Variants in TPD52L2 observed in about 807,000 individuals in gnomAD.
TPD52L2 encodes tumor protein D54.
Under a neutral mutation model 24.7 loss-of-function variants are expected in TPD52L2, and 19 were observed. The ratio of observed to expected loss-of-function variants is 0.77; its 90% confidence interval spans 0.54 to 1.13. The LOEUF is 1.13. Ranked by LOEUF, TPD52L2 falls within the 50% of genes most tolerant of loss-of-function variation. The pLI, the probability that TPD52L2 is intolerant of heterozygous loss-of-function variation, is 0.00. For missense variants in TPD52L2, 236 were observed against 250.4 expected, an observed-to-expected ratio of 0.94 and a Z score of 0.39; for synonymous variants, 104 against 100.2, an observed-to-expected ratio of 1.04 and a Z score of -0.23.
At chr20:63,875,081 G>C (rs2052616437) in intron 3 of TPD52L2, among the ~76,000 whole-genome samples, 1 of 151,404 alleles carries the variant, frequency 6.6e-6, no homozygotes, top group South Asian at 2.1e-4. Context: ...GGCGGAGGTT[G>C]CAGTGAGCCA....
At position 63,886,487 on chromosome 20, in the gene TPD52L2, G is replaced by A. The variant is rs369637576; in HGVS notation, c.477-2703G>A. ...GCCATTCTCCTGCCTCAGCCTCTCC[G>A]AGTAGCTGGGACTACAGGCGCCCGC... On this transcript the variant is annotated intron_variant, in intron 5 of 6. Coordinates refer to ENST00000346249, the MANE Select transcript of TPD52L2 (RefSeq NM_003288.4). 5.9e-5 allele frequency among the ~76,000 whole-genome samples: 9 copies of A among 151,396 alleles called. No individual in the cohort carries two copies. In the South Asian group the frequency reaches 6.3e-4, roughly 11 times the overall value.
At chr20:63,871,865 C>T (rs2052478961) in intron 2 of TPD52L2, among the ~76,000 whole-genome samples, 1 of 151,898 alleles carries the variant, frequency 6.6e-6, no homozygotes, top group African/African-American at 2.4e-5. Context: ...GACTCCTGAC[C>T]TCAGGTGATC....
At chr20:63,889,318 T>C (rs6062569) in intron 6 of TPD52L2, 80 bp downstream of exon 6, 568,823 of 1,236,604 alleles carry the variant, frequency 0.46, 139,112 homozygotes, top group East Asian at 0.85. Flanking sequence ...GTCATTTAGT[T>C]ATGGTAGACT....
Position 63,877,438 on chromosome 20 carries a change from C to T in TPD52L2, c.374+1563C>T, listed in dbSNP as rs1241967050. 2.0e-5 allele frequency among the ~76,000 whole-genome samples: 3 copies of T among 152,188 alleles called. No homozygotes were observed. The highest frequency in any genetic ancestry group is 7.2e-5 in the African/African-American group (3 of 41,446). ...CCTCCCAAAGTGCTGGGATGACAGG[C>T]GTGACCCACTGCACCCGGCTTGAGC... On this transcript the variant is annotated intron_variant, in intron 4 of 6. Transcript: ENST00000346249. This position sits in a 1 kb window ranked among gnomAD's most constrained non-coding sequence, Gnocchi z 4.1.
Position 63,890,171 on chromosome 20 carries a change from C to A in TPD52L2, c.*226C>A. The stretch of plus-strand genomic sequence containing the variant: ...TCACGTTTGTAGATGAAACAGATCA[C>A]TGTGCTGTCCTTCCTAGGGGTGCAG... On this transcript the variant is annotated 3_prime_UTR_variant, in exon 7 of 7. Transcript: ENST00000346249. 9.8e-7 allele frequency: 1 copy of A among 1,017,174 alleles called. No individual in the cohort carries two copies. Among genetic ancestry groups the A allele is most frequent in the Non-Finnish European group, 1.4e-6 (1 of 714,520 alleles). The allele number at this position is 1,017,174 out of a possible 1,614,324, so 63.0% of individuals were successfully genotyped here. A position where few individuals can be genotyped will look rare whatever the true frequency, so the allele number is the denominator to read the frequency against.
intron 6 of TPD52L2, among the ~76,000 whole-genome samples, chr20:63,889,470 ACAC>A: frequency 6.6e-6 from 1 of 151,410 alleles, no homozygotes. Context: ...GAACGCCTCC[ACAC>A]TGCCCTTCCT....
At position 63,890,655 on chromosome 20, in the gene TPD52L2, T is replaced by G. The variant is rs1013722160; in HGVS notation, c.*710T>G. 4 of 152,822 alleles carry G rather than the reference T, an allele frequency of 2.6e-5. No individual in the cohort carries two copies. The highest frequency in any genetic ancestry group is 9.6e-5 in the African/African-American group (4 of 41,466). 9.5% of individuals were successfully genotyped at this position (152,822 alleles called of 1,614,324 possible). Reference sequence around the variant, plus strand: ...GCCTTATGCTTTATTTCTTTCTAATTTTTATATGTATATAGATGAGGGTTC... The same window carrying G: ...GCCTTATGCTTTATTTCTTTCTAATGTTTATATGTATATAGATGAGGGTTC... On this transcript the variant is annotated 3_prime_UTR_variant, in exon 7 of 7. Coordinates refer to ENST00000346249, the MANE Select transcript of TPD52L2 (RefSeq NM_003288.4).
intron 5 of TPD52L2, chr20:63,887,786 C>A: frequency 1.6e-6 from 1 of 643,026 alleles, no homozygotes; most frequent in Admixed American, 2.7e-5. Flanking sequence ...CGAGGAAGAG[C>A]TGGTAGGGGG....
chr20:63,886,563 G>GTGTTGGCCAGGA (rs1230344059), intron 5 of TPD52L2, among the ~76,000 whole-genome samples: 7 of 151,680 alleles, frequency 4.6e-5, no homozygotes. Context: ...GGGTTTCACC[G>GTGTTGGCCAGGA]TGGTCTCGAT....
chr20:63,884,584 C>T (rs1189312986), intron 5 of TPD52L2, among the ~76,000 whole-genome samples: 1 of 152,240 alleles, frequency 6.6e-6, no homozygotes, highest in Non-Finnish European at 1.5e-5. Flanking sequence ...GGACACGGTC[C>T]TGGTTCTCTG....
At chr20:63,874,265 A>G (rs1302985836) in intron 3 of TPD52L2, among the ~76,000 whole-genome samples, 1 of 146,420 alleles carries the variant, frequency 6.8e-6, no homozygotes, top group Non-Finnish European at 1.5e-5. Context: ...TGTTTTTAGT[A>G]GAGATGGGGT....
chr20:63,886,080 C>T, intron 5 of TPD52L2: 8 of 1,610,740 alleles, frequency 5.0e-6, no homozygotes, highest in Non-Finnish European at 6.8e-6. Flanking sequence ...GAAGACTTTT[C>T]TCTGAATTGG....
intron 5 of TPD52L2, among the ~76,000 whole-genome samples, chr20:63,885,211 C>G (rs537858219): frequency 2.6e-5 from 4 of 152,230 alleles, no homozygotes; most frequent in Non-Finnish European, 4.4e-5. Context: ...AGGGCAGCCC[C>G]GGTCTGTGAG....
At chr20:63,888,974 C>T (rs2146253469) in intron 5 of TPD52L2, 1 of 606,594 alleles carries the variant, frequency 1.6e-6, no homozygotes. Flanking sequence ...TGTGTGACGT[C>T]TGGACCTGTC....
Position 63,872,364 on chromosome 20 carries a change from A to C in TPD52L2, c.166-1304A>C, listed in dbSNP as rs558271852. Among the ~76,000 whole-genome samples, 9 of 152,148 alleles carry C rather than the reference A, an allele frequency of 5.9e-5. No homozygotes were observed. In the East Asian group the frequency reaches 1.7e-3, roughly 29 times the overall value. On this transcript the variant is annotated intron_variant, in intron 2 of 6. Coordinates refer to ENST00000346249, the MANE Select transcript of TPD52L2 (RefSeq NM_003288.4). ...AGACTGAGAGCCCTGAGGGAAAAGG[A>C]TCCTCACTGTTTTTTGTTTGTTTGT...
intron 5 of TPD52L2, among the ~76,000 whole-genome samples, chr20:63,886,444 T>C (rs2053110100): frequency 6.6e-6 from 1 of 150,596 alleles, no homozygotes; most frequent in African/African-American, 2.5e-5. Flanking sequence ...CACTGCAAGC[T>C]CCGCCTCCCG....
rs982550719 is a variant in TPD52L2, at chr20:63,881,566, G to A, written c.375-1153G>A. The stretch of plus-strand genomic sequence containing the variant: ...GGGAGGGCCTGTGAGTAAGGGCTCC[G>A]GAAGGCCCATCATTGGGACCTGGTG... On this transcript the variant is annotated intron_variant, in intron 4 of 6. Transcript: ENST00000346249. 3.7e-4 allele frequency among the ~76,000 whole-genome samples: 56 copies of A among 152,252 alleles called. 1 individual carries two copies. Among genetic ancestry groups the A allele is most frequent in the Non-Finnish European group, 1.3e-4 (9 of 68,020 alleles).
rs2052733706 is a variant in TPD52L2, at chr20:63,877,534, G to A, written c.374+1659G>A. Reference sequence around the variant, plus strand: ...CAGTGACTTTGCTGGGCAGCAGATGGTTCCTAGGTTGGGACAGTGACGGTC... The same window carrying A: ...CAGTGACTTTGCTGGGCAGCAGATGATTCCTAGGTTGGGACAGTGACGGTC... On this transcript the variant is annotated intron_variant, in intron 4 of 6. Transcript: ENST00000346249. This position sits in a 1 kb window ranked among gnomAD's most constrained non-coding sequence, Gnocchi z 4.1. Among the ~76,000 whole-genome samples the A allele has an allele frequency of 6.6e-6, 1 of 152,208 alleles. No homozygotes were observed. The highest frequency in any genetic ancestry group is 2.1e-4 in the South Asian group (1 of 4,828).
chr20:63,886,284 T>G (rs983453733), intron 5 of TPD52L2, among the ~76,000 whole-genome samples: 1 of 151,930 alleles, frequency 6.6e-6, no homozygotes, highest in East Asian at 1.9e-4. Flanking sequence ...CGTGCTTCCC[T>G]TCAGGCTCAC....
Sources: allele counts gnomAD v4.1 joint callset (sites outside exome capture counted in the v4.1 genomes callset), GRCh38; gene constraint gnomAD v4.1.1; non-coding constraint Gnocchi (gnomAD v3.1); transcripts MANE v1.5; gene names NCBI Gene and HGNC (gene_info 2026-07-23, HGNC 2026-07-21).